GNB1L: variants seen among roughly 807,000 people sequenced by gnomAD.
GNB1L encodes G protein subunit beta 1 like.
Under a neutral mutation model 29.1 loss-of-function variants are expected in GNB1L, and 20 were observed. That is an observed-to-expected ratio of 0.69 (90% CI 0.48 to 1.00). The LOEUF is 1.00. Among genes scored for constraint, GNB1L ranks in the 50% least tolerant of loss-of-function variants. The pLI is 0.00. For synonymous variants in GNB1L, 193 were observed against 206.5 expected (o/e 0.93, Z 0.56); for missense variants, 421 against 464.9 (o/e 0.91, Z 0.87).
At chr22:19,815,866 G>T (rs1023554731) in intron 4 of GNB1L, among the ~76,000 whole-genome samples, 12 of 152,172 alleles carry the variant, frequency 7.9e-5, no homozygotes, top group African/African-American at 2.9e-4. Flanking sequence ...GAGCCACTGT[G>T]CCCAGCTTAA....
At chr22:19,790,241 A>C (rs1937238542) in intron 7 of GNB1L, among the ~76,000 whole-genome samples, 1 of 148,722 alleles carries the variant, frequency 6.7e-6, no homozygotes, top group African/African-American at 2.4e-5. Context: ...CAGCTCTAAG[A>C]CAATATGGGG....
At chr22:19,849,725 T>C in intron 2 of GNB1L, 4 of 985,442 alleles carry the variant, frequency 4.1e-6, no homozygotes, top group Non-Finnish European at 4.8e-6. Context: ...AATAGTTGGC[T>C]GTATTTCCAA....
chr22:19,797,685 G>A (rs1226807639), intron 7 of GNB1L, among the ~76,000 whole-genome samples: 1 of 152,166 alleles, frequency 6.6e-6, no homozygotes, highest in African/African-American at 2.4e-5. Context: ...TGAGGTAGGC[G>A]CCTTGCCATG....
intron 2 of GNB1L, among the ~76,000 whole-genome samples, chr22:19,838,455 A>G (rs1601347741): frequency 6.7e-6 from 1 of 149,080 alleles, no homozygotes; most frequent in Non-Finnish European, 1.5e-5. Flanking sequence ...TTTCTTATTT[A>G]TTTATTTTTT....
At position 19,792,908 on chromosome 22, in the gene GNB1L, A is replaced by G. The variant is rs1220664535; in HGVS notation, c.733-3948T>C. 9 of 1,181,328 alleles carry G rather than the reference A, an allele frequency of 7.6e-6. No individual in the cohort carries two copies. In the African/African-American group the frequency reaches 1.0e-4, roughly 14 times the overall value. 73.2% of individuals were successfully genotyped at this position (1,181,328 alleles called of 1,614,324 possible). Reference sequence around the variant, plus strand: ...AGACCTGCACCACTGTCACCTTCACATAGGTGAACTCGGAAGACAAAGGCA... The same window carrying G: ...AGACCTGCACCACTGTCACCTTCACGTAGGTGAACTCGGAAGACAAAGGCA... On this transcript the variant is annotated intron_variant, in intron 7 of 7. Transcript: ENST00000329517.
chr22:19,841,943 C>G (rs1270238827), intron 2 of GNB1L, among the ~76,000 whole-genome samples: 1 of 152,234 alleles, frequency 6.6e-6, no homozygotes, highest in African/African-American at 2.4e-5. Context: ...GTTGAATTGG[C>G]TGGTCCTCCA....
At chr22:19,823,719 CAT>C in intron 2 of GNB1L, among the ~76,000 whole-genome samples, 1 of 152,332 alleles carries the variant, frequency 6.6e-6, no homozygotes, top group South Asian at 2.1e-4. Flanking sequence ...CATACACACA[CAT>C]GCACATGGTG....
intron 4 of GNB1L, among the ~76,000 whole-genome samples, chr22:19,813,037 G>T (rs1569044613): frequency 2.0e-5 from 3 of 152,184 alleles, no homozygotes; most frequent in South Asian, 4.1e-4. Flanking sequence ...ATGGGCCCGG[G>T]GTCTCACCAC....
chr22:19,801,034 C>T lies in GNB1L; in HGVS notation c.732+967G>A, dbSNP rs528146302. ...GCCCGAGGAATGCCCTCTCTGTGGC[C>T]TCCTGTCGTACAGACAGCCTGGACC... On this transcript the variant is annotated intron_variant, in intron 7 of 7. Coordinates refer to ENST00000329517, the MANE Select transcript of GNB1L (RefSeq NM_053004.3). Among the ~76,000 whole-genome samples the T allele has an allele frequency of 2.6e-5, 4 of 152,334 alleles. 1 individual carries two copies. The South Asian group carries it at 8.3e-4, about 32-fold the overall frequency.
At chr22:19,854,259 A>C (rs910058745) in intron 2 of GNB1L, among the ~76,000 whole-genome samples, 184 bp downstream of exon 2, 2 of 152,192 alleles carry the variant, frequency 1.3e-5, no homozygotes, top group Non-Finnish European at 2.9e-5. Context: ...CCACAAGGCC[A>C]AAGGCAGCAC....
chr22:19,843,090 G>A (rs1937889905), intron 2 of GNB1L, among the ~76,000 whole-genome samples: 1 of 152,206 alleles, frequency 6.6e-6, no homozygotes, highest in Non-Finnish European at 1.5e-5. Context: ...TGATTGAAGC[G>A]TCTACTTTCT....
Position 19,834,624 on chromosome 22 carries a change from C to T in GNB1L, c.-20-13249G>A, listed in dbSNP as rs1937733065. Among the ~76,000 whole-genome samples the T allele has an allele frequency of 2.6e-5, 4 of 151,612 alleles. No homozygotes were observed. The South Asian group carries it at 8.3e-4, about 32-fold the overall frequency. Reference sequence around the variant, plus strand: ...TTTATTTGAAATGGAAAAATATTAACTCTAAGAAGACTGTGAAGGGTTAAT... The same window carrying T: ...TTTATTTGAAATGGAAAAATATTAATTCTAAGAAGACTGTGAAGGGTTAAT... On this transcript the variant is annotated intron_variant, in intron 2 of 7. Coordinates refer to ENST00000329517, the MANE Select transcript of GNB1L (RefSeq NM_053004.3).
intron 5 of GNB1L, among the ~76,000 whole-genome samples, chr22:19,810,812 C>G (rs897645505): frequency 6.6e-6 from 1 of 152,202 alleles, no homozygotes; most frequent in Non-Finnish European, 1.5e-5. Flanking sequence ...AACTGTTTTC[C>G]CAGGATGTGA....
intron 6 of GNB1L, among the ~76,000 whole-genome samples, chr22:19,806,454 C>T (rs1173543592): frequency 6.6e-6 from 1 of 152,236 alleles, no homozygotes; most frequent in Non-Finnish European, 1.5e-5. Flanking sequence ...GAAGCCAGGC[C>T]TCTCCTGGGG....
At chr22:19,818,232 G>C (rs1488710836) in intron 4 of GNB1L, among the ~76,000 whole-genome samples, 1 of 152,232 alleles carries the variant, frequency 6.6e-6, no homozygotes, top group East Asian at 1.9e-4. Context: ...CGCCCACCAG[G>C]CCTGGCACAG....
At chr22:19,823,950 G>A (rs113360351) in intron 2 of GNB1L, among the ~76,000 whole-genome samples, 95 of 152,332 alleles carry the variant, frequency 6.2e-4, no homozygotes, top group Admixed American at 1.6e-3. Flanking sequence ...GGCCTTGGGC[G>A]GTGCCAGCCG....
intron 2 of GNB1L, chr22:19,849,438 G>A (rs1176147271): frequency 1.1e-5 from 4 of 379,956 alleles, no homozygotes; most frequent in Non-Finnish European, 1.1e-5. Flanking sequence ...GCGTGATCTC[G>A]GCTCACCACA....
Position 19,784,026 on chromosome 22 carries a change from C to T in GNB1L, c.*4683G>A, listed in dbSNP as rs1184238060. ...CAGCAGCTGTGCCCACCTAGGACCACAGGGCTGGTGGGGCTGGCAGCTTGG... is the reference window on the plus strand; with the variant it reads ...CAGCAGCTGTGCCCACCTAGGACCATAGGGCTGGTGGGGCTGGCAGCTTGG... On this transcript the variant is annotated 3_prime_UTR_variant, in exon 8 of 8. Coordinates refer to ENST00000329517, the MANE Select transcript of GNB1L (RefSeq NM_053004.3). 1 of 152,270 alleles carries T rather than the reference C, an allele frequency of 6.6e-6. No homozygotes were observed. Among genetic ancestry groups the T allele is most frequent in the Non-Finnish European group, 1.5e-5 (1 of 68,078 alleles). The allele number at this position is 152,270 out of a possible 1,614,324, so 9.4% of individuals were successfully genotyped here.
intron 2 of GNB1L, among the ~76,000 whole-genome samples, chr22:19,834,154 T>C (rs1047442342): frequency 6.6e-6 from 1 of 152,098 alleles, no homozygotes; most frequent in Non-Finnish European, 1.5e-5. Flanking sequence ...AAGAACATGA[T>C]GAACCATAAA....
Sources: allele counts gnomAD v4.1 joint callset (sites outside exome capture counted in the v4.1 genomes callset), GRCh38; gene constraint gnomAD v4.1.1; transcripts MANE v1.5; gene names NCBI Gene and HGNC (gene_info 2026-07-23, HGNC 2026-07-21).